The following PARP4 variants were observed in gnomAD, a reference collection of about 807,000 sequenced individuals.
The protein encoded by PARP4 is poly(ADP-ribose) polymerase family member 4, also known as protein mono-ADP-ribosyltransferase PARP4.
PARP4 carries 120 observed loss-of-function variants against 187.7 expected under a neutral mutation model. The observed-to-expected ratio is 0.64, with a 90% confidence interval of 0.55 to 0.74. The LOEUF (loss-of-function observed/expected upper bound fraction) is 0.74. Ranked by LOEUF, PARP4 falls within the 30% of genes least tolerant of loss-of-function variation. PARP4 has a pLI of 0.00. For synonymous variants in PARP4, 654 were observed against 740.9 expected, an observed-to-expected ratio of 0.88 and a Z score of 1.90; for missense variants, 1,836 against 2,070.5, an observed-to-expected ratio of 0.89 and a Z score of 2.20.
chr13:24,506,294 A>C (rs754767568), intron 1 of PARP4, among the ~76,000 whole-genome samples: 3 of 152,128 alleles, frequency 2.0e-5, no homozygotes, highest in Non-Finnish European at 4.4e-5. Context: ...TCAGGAGTGA[A>C]GCTGCAGACC....
chr13:24,476,685 G>A (rs1873003243), intron 14 of PARP4, among the ~76,000 whole-genome samples: 1 of 152,118 alleles, frequency 6.6e-6, no homozygotes, highest in African/African-American at 2.4e-5. Flanking sequence ...GAACTCATGC[G>A]TTTCTGACAA....
At chr13:24,427,553 A>G (rs1870122491) in intron 32 of PARP4, among the ~76,000 whole-genome samples, 1 of 152,138 alleles carries the variant, frequency 6.6e-6, no homozygotes, top group Non-Finnish European at 1.5e-5. Flanking sequence ...GGTTTTAGGG[A>G]AGAAAAGAAA....
chr13:24,430,712 C>T (rs9581031), intron 32 of PARP4, among the ~76,000 whole-genome samples: 4,689 of 152,028 alleles, frequency 0.031, 207 homozygotes, highest in African/African-American at 0.11. Context: ...CTTCAAACCA[C>T]TTGCTGGGTC....
Position 24,429,743 on chromosome 13 carries a change from G to A in PARP4, c.4846+1634C>T, listed in dbSNP as rs1407931609. Among the ~76,000 whole-genome samples the A allele has an allele frequency of 3.9e-5, 6 of 152,198 alleles. No homozygotes were observed. The South Asian group carries it at 8.3e-4, about 21-fold the overall frequency. On this transcript the variant is annotated intron_variant, in intron 32 of 33. Transcript: ENST00000381989. The stretch of plus-strand genomic sequence containing the variant: ...TTCTGGATTCCTTGAGGTTGCACCT[G>A]TATATGTAGAGGTTAGGAGACAGCC...
In PARP4 at chr13:24,452,472, T is replaced by C; in HGVS notation, c.2948A>G (p.Glu983Gly). 1 of 1,614,124 alleles carries C rather than the reference T, an allele frequency of 6.2e-7. No individual in the cohort carries two copies. Among genetic ancestry groups the C allele is most frequent in the East Asian group, 2.2e-5 (1 of 44,866 alleles). Residue 983 changes from glutamate to glycine, a missense_variant, in exon 24 of 34, where the codon GAG becomes GGG. Physicochemically the swap from Glu to Gly is moderately conservative, Grantham distance 98. This residue lies in a region of PARP4 where 1,147 missense variants were observed against 1,214.2 expected (regional missense o/e 0.94). Transcript: ENST00000381989. ...CTTCACGAGCTGTAATGTCAGGCTCTCATCCTGGAGGTGCCCATCAGACAC... is the reference window on the plus strand; with the variant it reads ...CTTCACGAGCTGTAATGTCAGGCTCCCATCCTGGAGGTGCCCATCAGACAC... ...LLVSDGHLQD[E>G]SLTLQLVKRS... is the part of the protein sequence containing the mutation.
intron 17 of PARP4, among the ~76,000 whole-genome samples, chr13:24,467,998 AC>A (rs2137496272): frequency 9.2e-6 from 1 of 108,864 alleles, no homozygotes; most frequent in Admixed American, 9.4e-5. Flanking sequence ...GCAATAATTT[AC>A]CCCTTTGTCT....
intron 1 of PARP4, among the ~76,000 whole-genome samples, chr13:24,506,149 C>G (rs1255633299): frequency 6.6e-6 from 1 of 152,138 alleles, no homozygotes; most frequent in Admixed American, 6.5e-5. Flanking sequence ...GAAGTTTGTT[C>G]CTTCCTTGGT....
chr13:24,470,473 C>T (rs957892164), intron 15 of PARP4, among the ~76,000 whole-genome samples: 47 of 152,156 alleles, frequency 3.1e-4, no homozygotes, highest in African/African-American at 1.1e-3. Flanking sequence ...TCTACACAGC[C>T]CTCATCTAGC....
At position 24,435,080 on chromosome 13, in the gene PARP4, G is replaced by T; in HGVS notation, c.4061C>A (p.Ala1354Asp). Residue 1354 changes from alanine to aspartate, a missense_variant, in exon 31 of 34, where the codon GCT (alanine) becomes GAT (aspartate). Ala to Asp is a moderately radical substitution (Grantham distance 126). Transcript: ENST00000381989. ...AGATGCATCAAACTGTCTGGGAGGA[G>T]CAGCTGAACCGAAACTAGCTACCTG... The part of the protein sequence containing the change: ...YRQVASFGSA[A>D]PPRQFDASQF... The T allele has an allele frequency of 6.2e-7, 1 of 1,614,194 alleles. No homozygotes were observed. Among genetic ancestry groups the T allele is most frequent in the Non-Finnish European group, 8.5e-7 (1 of 1,180,034 alleles).
At chr13:24,461,196 G>A (rs943656255) in intron 17 of PARP4, among the ~76,000 whole-genome samples, 2 of 152,138 alleles carry the variant, frequency 1.3e-5, no homozygotes, top group African/African-American at 2.4e-5. Context: ...ATTAATTTAG[G>A]CTTAAAGGTT....
In PARP4 at chr13:24,449,834, T is replaced by C. The variant is rs1565996154; in HGVS notation, c.3015-17A>G. ...GCTGTAGAACTGATCACATTTCACATGTTTTAATTTTGAAGACATTAGAAA... is the reference window on the plus strand; with the variant it reads ...GCTGTAGAACTGATCACATTTCACACGTTTTAATTTTGAAGACATTAGAAA... On this transcript the variant is annotated splice_polypyrimidine_tract_variant and intron_variant, in intron 24 of 33. Transcript: ENST00000381989. 1 of 1,474,378 alleles carries C rather than the reference T, an allele frequency of 6.8e-7. No homozygotes were observed. Among genetic ancestry groups the C allele is most frequent in the Non-Finnish European group, 9.4e-7 (1 of 1,059,124 alleles). The allele number at this position is 1,474,378 out of a possible 1,614,324, so 91.3% of individuals were successfully genotyped here.
chr13:24,421,226 G>A lies in PARP4; in HGVS notation c.5068C>T (p.Leu1690Phe). Reference protein sequence around the residue: ...EGQYPSICPRLELGNDWDSAT... With the variant: ...EGQYPSICPRFELGNDWDSAT... ...GAGTCCCAGTCGTTCCCCAGTTCAA[G>A]CCGTGGGCAGATAGATGGGTACTGT... Residue 1690 changes from leucine (L) to phenylalanine (F), a missense_variant, in exon 34 of 34, where the codon CTT (leucine) becomes TTT (phenylalanine). Physicochemically the swap from Leu to Phe is conservative, Grantham distance 22 (BLOSUM62 0). This residue lies in a region of PARP4 where 29 missense variants were observed against 81.3 expected (regional missense o/e 0.36). Transcript: ENST00000381989. 7 of 1,391,538 alleles carry A rather than the reference G, an allele frequency of 5.0e-6. No individual in the cohort carries two copies. The highest frequency in any genetic ancestry group is 6.7e-6 in the Non-Finnish European group (7 of 1,039,028). 86.2% of individuals were successfully genotyped at this position (1,391,538 alleles called of 1,614,324 possible).
At position 24,459,235 on chromosome 13, in the gene PARP4, T is replaced by C. The variant is rs372983192; in HGVS notation, c.2345+29A>G. The C allele has an allele frequency of 2.1e-4, 326 of 1,588,490 alleles. 1 individual carries two copies. The African/African-American group carries it at 3.9e-3, about 19-fold the overall frequency. ...AACCAGAAAACCAATATCCATTGAA[T>C]TGACAGGTTTTATATTTTAGGTACT... On this transcript the variant is annotated intron_variant, in intron 19 of 33. Transcript: ENST00000381989.
At chr13:24,437,302 C>G (rs1870682612) in intron 30 of PARP4, among the ~76,000 whole-genome samples, 1 of 151,956 alleles carries the variant, frequency 6.6e-6, no homozygotes. Flanking sequence ...TAATCTCTGA[C>G]TAGGAAAGGT....
intron 15 of PARP4, among the ~76,000 whole-genome samples, chr13:24,474,171 T>C (rs568630785): frequency 6.6e-6 from 1 of 152,312 alleles, no homozygotes; most frequent in East Asian, 1.9e-4. Context: ...GCTGTCTTCC[T>C]GGGCCGCTGT....
chr13:24,438,826 C>T (rs1870772323), intron 30 of PARP4, among the ~76,000 whole-genome samples: 1 of 152,164 alleles, frequency 6.6e-6, no homozygotes, highest in Admixed American at 6.5e-5. Context: ...ACCAAACAGA[C>T]CTGGATGTCC....
intron 1 of PARP4, among the ~76,000 whole-genome samples, chr13:24,505,675 C>T (rs1295365173): frequency 2.6e-5 from 4 of 152,162 alleles, no homozygotes; most frequent in Non-Finnish European, 4.4e-5. Context: ...ATTACAGGCC[C>T]GCGCCACCAC....
At chr13:24,507,603 C>T (rs1869780379) in intron 1 of PARP4, among the ~76,000 whole-genome samples, 1 of 152,226 alleles carries the variant, frequency 6.6e-6, no homozygotes, top group South Asian at 2.1e-4. Context: ...AGAACTTGTC[C>T]CTCCTGCTGC....
chr13:24,455,506 T>TATATATCACA lies in PARP4; in HGVS notation c.2563-295_2563-294insTGTGATATAT, dbSNP rs1555234626. Among the ~76,000 whole-genome samples the TATATATCACA allele has an allele frequency of 2.1e-3, 291 of 135,436 alleles. 5 individuals are homozygous for TATATATCACA. Among genetic ancestry groups the TATATATCACA allele is most frequent in the African/African-American group, 4.3e-3 (159 of 36,606 alleles). 88.9% of individuals were successfully genotyped at this position (135,436 alleles called of 152,430 possible). ...ATATATATATATATATATATATATA[T>TATATATCACA]CACACTATTCTAAGAGGAATATACA... On this transcript the variant is annotated intron_variant, in intron 21 of 33. Coordinates refer to ENST00000381989, the MANE Select transcript of PARP4 (RefSeq NM_006437.4).
Sources: gnomAD v4.1 joint callset for allele counts (sites outside exome capture counted in the v4.1 genomes callset) on GRCh38, gnomAD v4.1.1 for gene constraint, gnomAD v4.1.1 regional missense constraint, MANE v1.5 for transcripts, NCBI Gene and HGNC (gene_info 2026-07-23, HGNC 2026-07-21) for gene names.